PDE2A: variants seen among roughly 807,000 people sequenced by gnomAD.
The protein encoded by PDE2A is phosphodiesterase 2A.
Under a neutral mutation model 133.6 loss-of-function variants are expected in PDE2A, and 53 were observed. That is an observed-to-expected ratio of 0.40 (90% CI 0.32 to 0.50). The LOEUF is 0.50. PDE2A is among the 20% of genes least tolerant of loss of function. The probability of loss-of-function intolerance (pLI) is 0.73; values close to 1 mark genes in which losing one functional copy is unlikely to be tolerated. For synonymous variants in PDE2A, 491 were observed against 490.2 expected (o/e 1.00, Z -0.02); for missense variants, 796 against 1,232.4 (o/e 0.65, Z 5.30).
intron 2 of PDE2A, among the ~76,000 whole-genome samples, chr11:72,637,715 G>A (rs1858764351): frequency 6.6e-6 from 1 of 152,248 alleles, no homozygotes; most frequent in Admixed American, 6.5e-5. Flanking sequence ...TCAGGGTAGT[G>A]GACACTGGAG....
At chr11:72,585,949 G>T in intron 14 of PDE2A, 121 bp downstream of exon 14, 1 of 693,028 alleles carries the variant, frequency 1.4e-6, no homozygotes, top group Non-Finnish European at 2.6e-6. Flanking sequence ...AGGTTATGGA[G>T]CCACCTGGGG....
intron 6 of PDE2A, 111 bp downstream of exon 6, chr11:72,596,482 T>TCACA (rs1341571702): frequency 1.5e-3 from 329 of 220,752 alleles, no homozygotes; most frequent in African/African-American, 0.014. Flanking sequence ...TCTCTCTCTC[T>TCACA]CTCACACACA....
In PDE2A at chr11:72,590,144, G is replaced by C. The variant is rs144812609; in HGVS notation, c.756+48C>G. 2.3e-3 allele frequency: 3,521 copies of C among 1,512,030 alleles called. 74 individuals carry two copies. The African/African-American group carries it at 0.042, about 18-fold the overall frequency. The allele number at this position is 1,512,030 out of a possible 1,614,324, so 93.7% of individuals were successfully genotyped here. A position where few individuals can be genotyped will look rare whatever the true frequency, so the allele number is the denominator to read the frequency against. On this transcript the variant is annotated intron_variant, in intron 9 of 30. Transcript: ENST00000334456. The surrounding 1 kb of genome is among the most constrained non-coding windows in gnomAD (Gnocchi z 4.8). ...AGGGCTCAAGGGGAAGTTGGTCCCC[G>C]GAGGGAGACAGGACGGGGAGGTGGC...
chr11:72,663,164 A>T lies in PDE2A; in HGVS notation c.71+10973T>A, dbSNP rs553491685. On this transcript the variant is annotated intron_variant, in intron 1 of 30. Coordinates refer to ENST00000334456, the MANE Select transcript of PDE2A (RefSeq NM_002599.5). ...CGTCTGGGTGTGCCTGTCTCTAATG[A>T]AGCGGAGAGCAAGGGCTTTTGGGTC... Among the ~76,000 whole-genome samples, 6 of 152,250 alleles carry T rather than the reference A, an allele frequency of 3.9e-5. No individual in the cohort carries two copies. The East Asian group carries it at 1.2e-3, about 29-fold the overall frequency.
Position 72,586,201 on chromosome 11 carries a change from C to T in PDE2A, c.1071-20G>A, listed in dbSNP as rs1855966706. The T allele has an allele frequency of 1.4e-6, 2 of 1,443,968 alleles. No homozygotes were observed. The highest frequency in any genetic ancestry group is 1.2e-5 in the South Asian group (1 of 85,772). The allele number at this position is 1,443,968 out of a possible 1,614,324, so 89.4% of individuals were successfully genotyped here. A position where few individuals can be genotyped will look rare whatever the true frequency, so the allele number is the denominator to read the frequency against. On this transcript the variant is annotated intron_variant, in intron 13 of 30. Transcript: ENST00000334456. ...GTGAACCTGGAGGAGGGGGTGGGCT[C>T]ACTCAGGAGGGAAGGGAAGACTGGC...
intron 1 of PDE2A, among the ~76,000 whole-genome samples, chr11:72,648,275 C>T (rs1410174049): frequency 2.0e-5 from 3 of 152,166 alleles, no homozygotes; most frequent in African/African-American, 7.2e-5. Context: ...GATACTGCCT[C>T]CTCCACCTCA....
rs3832776 is a variant in PDE2A at position 72,597,467 on chromosome 11, T to TCCCTGC, written c.433+37_433+42dup. 3.7e-5 allele frequency: 41 copies of TCCCTGC among 1,123,272 alleles called. No homozygotes were observed. The highest frequency in any genetic ancestry group is 2.8e-4 in the Admixed American group (16 of 58,106). 69.6% of individuals were successfully genotyped at this position (1,123,272 alleles called of 1,614,324 possible). A position where few individuals can be genotyped will look rare whatever the true frequency, so the allele number is the denominator to read the frequency against. ...CCTGGAGTGCAGGGGCCACAGTCCC[T>TCCCTGC]CCCTGCCCCTGCCCCTGCCCCTGCC... On this transcript the variant is annotated intron_variant, in intron 5 of 30. Coordinates refer to ENST00000334456, the MANE Select transcript of PDE2A (RefSeq NM_002599.5). This position sits in a 1 kb window ranked among gnomAD's most constrained non-coding sequence, Gnocchi z 4.6.
intron 2 of PDE2A, among the ~76,000 whole-genome samples, chr11:72,641,051 AG>A (rs887488219): frequency 1.3e-5 from 2 of 152,220 alleles, no homozygotes; most frequent in Admixed American, 1.3e-4. Flanking sequence ...ACACACAGAC[AG>A]GAACACTCAC....
At chr11:72,594,421 T>C (rs950659572) in intron 6 of PDE2A, among the ~76,000 whole-genome samples, 18 of 152,142 alleles carry the variant, frequency 1.2e-4, no homozygotes. Flanking sequence ...TGAGCCAGGG[T>C]GCATCTGTCA....
chr11:72,580,728 C>G, intron 24 of PDE2A, 104 bp from the exon 25 acceptor site: 1 of 1,092,616 alleles, frequency 9.2e-7, no homozygotes, highest in Non-Finnish European at 1.4e-6. Context: ...TCCCCTCCTC[C>G]CTATCTCAGA....
rs1250129651 is a variant in PDE2A, at chr11:72,582,494, C to T, written c.1801G>A (p.Ala601Thr). Residue 601 changes from alanine to threonine, a missense_variant, in exon 21 of 31, where the codon GCA (alanine) becomes ACA (threonine). Transcript: ENST00000334456. ...QPVAAIDSNF[A>T]SFTYTPRSLP... ...GAACGAGGGGTATAGGTGAAACTTG[C>T]AAAATTGGAGTCAATGGCAGCCACA... 1 of 1,613,920 alleles carries T rather than the reference C, an allele frequency of 6.2e-7. No individual in the cohort carries two copies. The highest frequency in any genetic ancestry group is 1.7e-5 in the Admixed American group (1 of 60,026).
At chr11:72,636,440 T>C (rs1163001476) in intron 2 of PDE2A, among the ~76,000 whole-genome samples, 1 of 152,224 alleles carries the variant, frequency 6.6e-6, no homozygotes, top group Admixed American at 6.5e-5. Context: ...AGGGCAGATC[T>C]CAAGTTCCCA....
At chr11:72,612,932 A>T (rs1401147086) in intron 2 of PDE2A, among the ~76,000 whole-genome samples, 7 of 152,226 alleles carry the variant, frequency 4.6e-5, no homozygotes, top group Admixed American at 4.6e-4. Flanking sequence ...GCCGTGGGCT[A>T]GATCTGCATT....
At position 72,631,262 on chromosome 11, in the gene PDE2A, G is replaced by A. The variant is rs181960232; in HGVS notation, c.144+10992C>T. On this transcript the variant is annotated intron_variant, in intron 2 of 30. Coordinates refer to ENST00000334456, the MANE Select transcript of PDE2A (RefSeq NM_002599.5). Reference sequence around the variant, plus strand: ...CCCCCTCCTCCAGGGAGCCTTGCCTGCTTGCACCCTGCTCTCTCCCAAGAC... The same window carrying A: ...CCCCCTCCTCCAGGGAGCCTTGCCTACTTGCACCCTGCTCTCTCCCAAGAC... The A allele has an allele frequency of 1.9e-4, 126 of 680,680 alleles. No individual in the cohort carries two copies. The African/African-American group carries it at 2.1e-3, about 11-fold the overall frequency. The allele number at this position is 680,680 out of a possible 1,614,324, so 42.2% of individuals were successfully genotyped here.
intron 1 of PDE2A, among the ~76,000 whole-genome samples, chr11:72,660,394 G>A (rs1481271575): frequency 6.6e-6 from 1 of 152,180 alleles, no homozygotes; most frequent in Non-Finnish European, 1.5e-5. Context: ...GCTCACACAG[G>A]AGGTGTTTGT....
At chr11:72,612,590 T>C (rs568499512) in intron 2 of PDE2A, among the ~76,000 whole-genome samples, 1 of 152,108 alleles carries the variant, frequency 6.6e-6, no homozygotes, top group Non-Finnish European at 1.5e-5. Context: ...CTGCAGCATA[T>C]AGTTCTATGG....
At chr11:72,604,996 C>T (rs1856908476) in intron 4 of PDE2A, 142 bp downstream of exon 4, 1 of 527,626 alleles carries the variant, frequency 1.9e-6, no homozygotes, top group African/African-American at 1.9e-5. Flanking sequence ...AGTCAGCAAC[C>T]TGGCCAAGGA....
chr11:72,592,053 C>G (rs1028162196), intron 6 of PDE2A, among the ~76,000 whole-genome samples: 1 of 152,160 alleles, frequency 6.6e-6, no homozygotes, highest in African/African-American at 2.4e-5. Flanking sequence ...CTCCACCACC[C>G]CCATCATCCT....
intron 2 of PDE2A, among the ~76,000 whole-genome samples, chr11:72,634,180 C>T (rs897772949): frequency 4.6e-5 from 7 of 152,046 alleles, no homozygotes; most frequent in African/African-American, 1.7e-4. Flanking sequence ...CAGGAGGAAG[C>T]GGGTGGCAGA....
Sources: allele counts gnomAD v4.1 joint callset (sites outside exome capture counted in the v4.1 genomes callset), GRCh38; gene constraint gnomAD v4.1.1; non-coding constraint Gnocchi (gnomAD v3.1); transcripts MANE v1.5; gene names NCBI Gene and HGNC (gene_info 2026-07-23, HGNC 2026-07-21).